NUP155: variants seen among roughly 807,000 people sequenced by gnomAD.
NUP155 encodes the protein nucleoporin 155.
Under a neutral mutation model 180.4 loss-of-function variants are expected in NUP155, and 71 were observed. That is an observed-to-expected ratio of 0.39 (90% CI 0.33 to 0.48). The LOEUF (loss-of-function observed/expected upper bound fraction) is 0.48. Among genes scored for constraint, NUP155 ranks in the 20% least tolerant of loss-of-function variants. The pLI, the probability that NUP155 is intolerant of heterozygous loss-of-function variation, is 0.91. For missense variants in NUP155, 1,553 were observed against 1,648.9 expected, an observed-to-expected ratio of 0.94 and a Z score of 1.01; for synonymous variants, 582 against 559.5, an observed-to-expected ratio of 1.04 and a Z score of -0.57.
intron 20 of NUP155, among the ~76,000 whole-genome samples, chr5:37,320,493 A>C (rs933737412): frequency 6.6e-6 from 1 of 152,120 alleles, no homozygotes; most frequent in Non-Finnish European, 1.5e-5. Flanking sequence ...AAAAAGAAAA[A>C]GAGAGAGAGA....
chr5:37,342,404 T>A (rs1320368846), intron 10 of NUP155, 145 bp downstream of exon 10: 26 of 612,552 alleles, frequency 4.2e-5, no homozygotes, highest in Non-Finnish European at 6.7e-5. Flanking sequence ...TCTCCCAGTT[T>A]TCAAAATCCT....
In NUP155 at chr5:37,341,134, G is replaced by A. The variant is rs776083557; in HGVS notation, c.1202C>T (p.Thr401Ile). The A allele has an allele frequency of 5.0e-6, 8 of 1,613,878 alleles. No individual in the cohort carries two copies. In the South Asian group the frequency reaches 8.8e-5, roughly 18 times the overall value. Residue 401 changes from threonine (T) to isoleucine (I), a missense_variant, in exon 11 of 35, where the codon ACC (threonine) becomes ATC (isoleucine). Physicochemically the swap from Thr to Ile is moderately conservative, Grantham distance 89. Coordinates refer to ENST00000231498, the MANE Select transcript of NUP155 (RefSeq NM_153485.3). ...ATGTACTTTTGAAGGCTTTTCCACG[G>A]TTGAAGATGCTGAGAATCCAGGAGG... is the stretch of plus-strand genomic sequence containing the variant. Reference protein sequence around the residue: ...RLPPGFSASSTVEKPSKVHRA... With the variant: ...RLPPGFSASSIVEKPSKVHRA...
chr5:37,341,682 A>G (rs2150977102), intron 10 of NUP155, among the ~76,000 whole-genome samples: 1 of 152,208 alleles, frequency 6.6e-6, no homozygotes, highest in African/African-American at 2.4e-5. Context: ...CTGGGACTAC[A>G]GGTGCCTGCC....
At position 37,291,278 on chromosome 5, in the gene NUP155, G is replaced by C. The variant is rs181314450; in HGVS notation, c.*622C>G. On this transcript the variant is annotated 3_prime_UTR_variant, in exon 35 of 35. Transcript: ENST00000231498. ...GTTTTTTGAGACAGAGTCTCGCCCT[G>C]TTGCCTGGGCTGGAGTGCAATGGTG... 3 of 152,712 alleles carry C rather than the reference G, an allele frequency of 2.0e-5. No individual in the cohort carries two copies. 9.5% of individuals were successfully genotyped at this position (152,712 alleles called of 1,614,324 possible).
chr5:37,331,312 G>C (rs940597830), intron 14 of NUP155, among the ~76,000 whole-genome samples: 1 of 151,490 alleles, frequency 6.6e-6, no homozygotes, highest in Non-Finnish European at 1.5e-5. Flanking sequence ...GGTGGCTCAC[G>C]GCCTGTAATC....
At chr5:37,298,794 C>G in intron 32 of NUP155, 74 bp downstream of exon 32, 1 of 812,076 alleles carries the variant, frequency 1.2e-6, no homozygotes, top group Non-Finnish European at 2.2e-6. Flanking sequence ...CTCGAAAGAT[C>G]GTTATTTGTC....
intron 12 of NUP155, among the ~76,000 whole-genome samples, chr5:37,334,256 C>T (rs1434820674): frequency 6.6e-6 from 1 of 152,082 alleles, no homozygotes; most frequent in African/African-American, 2.4e-5. Context: ...GAGAATGCTA[C>T]CACGGCCGCC....
At chr5:37,298,342 CTTCTA>C (rs1742696289) in intron 32 of NUP155, among the ~76,000 whole-genome samples, 1 of 151,830 alleles carries the variant, frequency 6.6e-6, no homozygotes, top group Non-Finnish European at 1.5e-5. Flanking sequence ...ATTTATGTTG[CTTCTA>C]TTGTTTTACC....
chr5:37,288,428 A>G lies in NUP155; in HGVS notation c.*3472T>C, dbSNP rs1488177748. On this transcript the variant is annotated 3_prime_UTR_variant, in exon 35 of 35. Transcript: ENST00000231498. ...GTACATGTACATCAGTCAGTATCTC[A>G]TAGCATAAACAGTTAGTCAAGATAG... The G allele has an allele frequency of 6.6e-6, 1 of 151,212 alleles. No individual in the cohort carries two copies. The highest frequency in any genetic ancestry group is 1.5e-5 in the Non-Finnish European group (1 of 67,864). 9.4% of individuals were successfully genotyped at this position (151,212 alleles called of 1,614,324 possible).
rs116898248 is a variant in NUP155 at position 37,335,901 on chromosome 5, G to C, written c.1347+1917C>G. 7.5e-4 allele frequency among the ~76,000 whole-genome samples: 114 copies of C among 152,246 alleles called. No homozygotes were observed. The East Asian group carries it at 0.022, about 29-fold the overall frequency. ...GAGGATCCCCTGAGCCTGGGAGGCA[G>C]TTGCAGTGAGCTCTGATTGTGCCAC... On this transcript the variant is annotated intron_variant, in intron 12 of 34. Transcript: ENST00000231498.
rs375105117 is a variant in NUP155 at position 37,350,305 on chromosome 5, T to C, written c.724-40A>G. On this transcript the variant is annotated intron_variant, in intron 6 of 34. Coordinates refer to ENST00000231498, the MANE Select transcript of NUP155 (RefSeq NM_153485.3). Reference sequence around the variant, plus strand: ...TAGAAAGACGACTTATAAAAGTATGTAACTCCCTTACAATAACTACTGTAT... The same window carrying C: ...TAGAAAGACGACTTATAAAAGTATGCAACTCCCTTACAATAACTACTGTAT... 1.5e-4 allele frequency: 199 copies of C among 1,330,242 alleles called. 1 individual carries two copies. In the African/African-American group the frequency reaches 2.6e-3, roughly 17 times the overall value. The allele number at this position is 1,330,242 out of a possible 1,614,324, so 82.4% of individuals were successfully genotyped here. A position where few individuals can be genotyped will look rare whatever the true frequency, so the allele number is the denominator to read the frequency against.
chr5:37,299,148 T>C (rs949897314), intron 31 of NUP155, among the ~76,000 whole-genome samples, 170 bp from the exon 32 acceptor site: 1 of 152,248 alleles, frequency 6.6e-6, no homozygotes, highest in Non-Finnish European at 1.5e-5. Flanking sequence ...TCTCATGTCT[T>C]ACCAGGTTAT....
chr5:37,320,783 C>T (rs955058734), intron 20 of NUP155, among the ~76,000 whole-genome samples: 7 of 151,946 alleles, frequency 4.6e-5, no homozygotes, highest in Non-Finnish European at 8.8e-5. Context: ...CTAAAAACAT[C>T]TGACAAGTAA....
chr5:37,333,732 T>A, intron 12 of NUP155, 99 bp from the exon 13 acceptor site: 1 of 770,926 alleles, frequency 1.3e-6, no homozygotes, highest in Non-Finnish European at 2.1e-6. Context: ...TAATAAATAG[T>A]ACATTAACAT....
intron 4 of NUP155, among the ~76,000 whole-genome samples, chr5:37,354,058 A>T (rs1211024097): frequency 3.9e-5 from 6 of 152,244 alleles, no homozygotes; most frequent in African/African-American, 1.4e-4. Flanking sequence ...TATCTACACA[A>T]GAAAAGATTA....
intron 30 of NUP155, chr5:37,301,008 G>C (rs1424322143): frequency 3.7e-5 from 7 of 188,584 alleles, no homozygotes. Context: ...ATTTTTAGTA[G>C]AGACAGAGTT....
chr5:37,335,316 G>A (rs1365151986), intron 12 of NUP155, among the ~76,000 whole-genome samples: 1 of 126,098 alleles, frequency 7.9e-6, no homozygotes, highest in Non-Finnish European at 1.5e-5. Flanking sequence ...AGGAGTTTGA[G>A]GCTATAGTGA....
chr5:37,345,344 C>CA (rs1746007319), intron 9 of NUP155, among the ~76,000 whole-genome samples: 1 of 150,814 alleles, frequency 6.6e-6, no homozygotes, highest in Non-Finnish European at 1.5e-5. Context: ...CCGTCTGTAC[C>CA]AAAAATACAA....
At chr5:37,304,611 C>A in intron 27 of NUP155, 128 bp downstream of exon 27, 1 of 732,812 alleles carries the variant, frequency 1.4e-6, no homozygotes. Flanking sequence ...CATTACTCAG[C>A]TTTATACTAA....
Sources: gnomAD v4.1 joint callset for allele counts (sites outside exome capture counted in the v4.1 genomes callset) on GRCh38, gnomAD v4.1.1 for gene constraint, MANE v1.5 for transcripts, NCBI Gene and HGNC (gene_info 2026-07-23, HGNC 2026-07-21) for gene names.